Variants in GPC5 observed in about 807,000 individuals in gnomAD.
The protein encoded by GPC5 is glypican 5, also known as glypican-5.
In GPC5, 47 loss-of-function variants were observed where a neutral mutation model predicts 53.9. The observed-to-expected ratio is 0.87, with a 90% confidence interval of 0.69 to 1.11. GPC5 has a LOEUF of 1.11. Among genes scored for constraint, GPC5 ranks in the 50% most tolerant of loss-of-function variants. GPC5 has a pLI of 0.00. For synonymous variants in GPC5, 286 were observed against 263.3 expected (o/e 1.09, Z -0.84); for missense variants, 748 against 713.1 (o/e 1.05, Z -0.56).
chr13:91,865,099 C>A (rs968252716), intron 5 of GPC5, among the ~76,000 whole-genome samples: 2 of 151,684 alleles, frequency 1.3e-5, no homozygotes, highest in Non-Finnish European at 2.9e-5. Context: ...TTAGTAGAGA[C>A]GGGGTTTCAC....
chr13:91,671,489 G>A (rs2035241825), intron 2 of GPC5, among the ~76,000 whole-genome samples: 1 of 151,928 alleles, frequency 6.6e-6, no homozygotes, highest in African/African-American at 2.4e-5. Flanking sequence ...AGATTATGGG[G>A]TTTTCTAAAT....
At chr13:92,152,901 G>A (rs1337895774) in intron 7 of GPC5, among the ~76,000 whole-genome samples, 2 of 151,798 alleles carry the variant, frequency 1.3e-5, no homozygotes, top group African/African-American at 4.8e-5. Context: ...GCCCCTCTCT[G>A]AACACATTTC....
chr13:92,021,393 G>A, intron 6 of GPC5, among the ~76,000 whole-genome samples: 1 of 152,170 alleles, frequency 6.6e-6, no homozygotes, highest in Non-Finnish European at 1.5e-5. Context: ...CAAATCCTGT[G>A]TGATTCCACT....
chr13:91,589,896 A>G (rs552222406), intron 2 of GPC5, among the ~76,000 whole-genome samples: 1 of 152,300 alleles, frequency 6.6e-6, no homozygotes, highest in Non-Finnish European at 1.5e-5. Flanking sequence ...AACTATGGGT[A>G]TCTTCTATGG....
intron 7 of GPC5, chr13:92,484,734 AT>A (rs1200123647): frequency 1.3e-5 from 2 of 151,466 alleles, no homozygotes; most frequent in Non-Finnish European, 2.9e-5. Flanking sequence ...TTTTTATTTT[AT>A]TTTTTTATTT....
intron 7 of GPC5, among the ~76,000 whole-genome samples, chr13:92,454,591 G>A (rs1487947861): frequency 6.6e-6 from 1 of 152,164 alleles, no homozygotes; most frequent in Non-Finnish European, 1.5e-5. Context: ...AAGACTAATG[G>A]TAAAAGAGTA....
chr13:91,979,805 A>T, intron 6 of GPC5, among the ~76,000 whole-genome samples: 1 of 122,564 alleles, frequency 8.2e-6, no homozygotes, highest in South Asian at 3.8e-4. Context: ...TTGCAGCAAC[A>T]GCACTTATTA....
At chr13:92,172,252 G>T (rs1008819059) in intron 7 of GPC5, among the ~76,000 whole-genome samples, 4 of 152,174 alleles carry the variant, frequency 2.6e-5, no homozygotes, top group Non-Finnish European at 5.9e-5. Context: ...CCAGTTTGGA[G>T]TAGTGGGGTC....
At chr13:92,402,702 C>T (rs1253777839) in intron 7 of GPC5, among the ~76,000 whole-genome samples, 1 of 152,092 alleles carries the variant, frequency 6.6e-6, no homozygotes, top group African/African-American at 2.4e-5. Context: ...AGGCTTGTGG[C>T]TTGTTGTTGA....
chr13:92,692,759 T>TTTTTTTTG (rs1887446794), intron 7 of GPC5, among the ~76,000 whole-genome samples: 1 of 142,114 alleles, frequency 7.0e-6, no homozygotes, highest in African/African-American at 2.6e-5. Context: ...CGGCTATTTT[T>TTTTTTTTG]TTTTTTTTTT....
chr13:92,040,739 G>A (rs972956095), intron 6 of GPC5, among the ~76,000 whole-genome samples: 1 of 152,150 alleles, frequency 6.6e-6, no homozygotes, highest in Non-Finnish European at 1.5e-5. Flanking sequence ...TTTATCAAAC[G>A]TATGTATAGC....
rs547853460 is a variant in GPC5, at chr13:91,562,420, T to A, written c.325+113498T>A. On this transcript the variant is annotated intron_variant, in intron 2 of 7. Coordinates refer to ENST00000377067, the MANE Select transcript of GPC5 (RefSeq NM_004466.6). ...AAGAAATCATACACTGAATGTATTG[T>A]CTAGCTAGCATATGTTCTATGATTA... 2.0e-5 allele frequency among the ~76,000 whole-genome samples: 3 copies of A among 152,114 alleles called. No individual in the cohort carries two copies. The East Asian group carries it at 5.8e-4, about 29-fold the overall frequency.
intron 2 of GPC5, among the ~76,000 whole-genome samples, chr13:91,684,597 A>G (rs183538669): frequency 4.6e-5 from 7 of 152,150 alleles, no homozygotes; most frequent in African/African-American, 1.7e-4. Context: ...TGCAGCATAC[A>G]CCTCCACCAA....
chr13:92,745,409 G>A (rs2139317496), intron 7 of GPC5, among the ~76,000 whole-genome samples: 1 of 152,116 alleles, frequency 6.6e-6, no homozygotes, highest in South Asian at 2.1e-4. Context: ...CCATTCCTAT[G>A]GAATCACTGG....
chr13:91,769,225 A>G (rs1037841013), intron 5 of GPC5, among the ~76,000 whole-genome samples: 5 of 152,134 alleles, frequency 3.3e-5, no homozygotes, highest in Admixed American at 1.3e-4. Context: ...AAGGCTTTCA[A>G]TTGATTGAAT....
At chr13:92,583,236 G>T (rs1222921071) in intron 7 of GPC5, among the ~76,000 whole-genome samples, 1 of 152,112 alleles carries the variant, frequency 6.6e-6, no homozygotes, top group Non-Finnish European at 1.5e-5. Context: ...TGCATCTATG[G>T]AAATGATCAT....
intron 5 of GPC5, among the ~76,000 whole-genome samples, chr13:91,842,101 C>G (rs530192576): frequency 6.6e-6 from 1 of 152,116 alleles, no homozygotes; most frequent in East Asian, 1.9e-4. Context: ...TTAAGTCTTA[C>G]AGAATTAAAC....
intron 2 of GPC5, among the ~76,000 whole-genome samples, chr13:91,490,266 C>T (rs1034200740): frequency 6.6e-6 from 1 of 151,978 alleles, no homozygotes; most frequent in Non-Finnish European, 1.5e-5. Flanking sequence ...CAGGATGAGT[C>T]AGTAGGTACT....
intron 7 of GPC5, among the ~76,000 whole-genome samples, chr13:92,703,718 T>C (rs1266052990): frequency 6.6e-6 from 1 of 151,496 alleles, no homozygotes; most frequent in Non-Finnish European, 1.5e-5. Flanking sequence ...ATTCACAACA[T>C]TGAGCAGCAT....
Sources: allele counts gnomAD v4.1 joint callset (sites outside exome capture counted in the v4.1 genomes callset), GRCh38; gene constraint gnomAD v4.1.1; transcripts MANE v1.5; gene names NCBI Gene and HGNC (gene_info 2026-07-23, HGNC 2026-07-21).